Variants in HTR3A observed in about 807,000 individuals in gnomAD.
HTR3A encodes 5-hydroxytryptamine (serotonin) receptor 3A, ionotropic.
HTR3A carries 45 observed loss-of-function variants against 54.8 expected under a neutral mutation model. The observed-to-expected ratio is 0.82, with a 90% CI of 0.65 to 1.05. The LOEUF is 1.05. HTR3A is among the 50% of genes least tolerant of loss of function. The probability of loss-of-function intolerance (pLI) is 0.00; values close to 1 mark genes in which losing one functional copy is unlikely to be tolerated. For missense variants in HTR3A, 657 were observed against 614.0 expected, an observed-to-expected ratio of 1.07 and a Z score of -0.74; for synonymous variants, 297 against 256.0, an observed-to-expected ratio of 1.16 and a Z score of -1.53.
chr11:113,985,499 G>A (rs1200456085), intron 5 of HTR3A, among the ~76,000 whole-genome samples: 1 of 152,172 alleles, frequency 6.6e-6, no homozygotes, highest in African/African-American at 2.4e-5. Flanking sequence ...AGATACTTCT[G>A]TCGTTCCTGG....
intron 1 of HTR3A, 38 bp from the exon 2 acceptor site, chr11:113,977,733 G>A (rs762862210): frequency 2.5e-6 from 4 of 1,608,770 alleles, no homozygotes; most frequent in Admixed American, 1.7e-5. Flanking sequence ...GGAAGTCTTG[G>A]GGGGCTGGTG....
At chr11:113,979,198 A>G (rs1446325508) in intron 2 of HTR3A, 35 bp from the exon 3 acceptor site, 1 of 1,585,532 alleles carries the variant, frequency 6.3e-7, no homozygotes, top group Admixed American at 1.7e-5. Flanking sequence ...TCCAGTCCAC[A>G]GGGTTACTTG....
chr11:113,983,040 C>G lies in HTR3A; in HGVS notation c.375-80C>G. ...ACCCTCCCCGAACTTCACTCCCTACCCAGTTGTTCCAAGATCTTCAGGCAC... is the reference window on the plus strand; with the variant it reads ...ACCCTCCCCGAACTTCACTCCCTACGCAGTTGTTCCAAGATCTTCAGGCAC... On this transcript the variant is annotated intron_variant, in intron 4 of 8. Coordinates refer to ENST00000504030, the MANE Select transcript of HTR3A (RefSeq NM_000869.6). 2.0e-6 allele frequency: 3 copies of G among 1,534,606 alleles called. No homozygotes were observed. The South Asian group carries it at 3.4e-5, about 17-fold the overall frequency.
intron 5 of HTR3A, among the ~76,000 whole-genome samples, chr11:113,983,773 G>A (rs1027308467): frequency 6.6e-6 from 1 of 151,938 alleles, no homozygotes; most frequent in Non-Finnish European, 1.5e-5. Flanking sequence ...AACCACCCTC[G>A]TCTCCTGCCT....
At chr11:113,987,495 G>A (rs936521756) in intron 8 of HTR3A, among the ~76,000 whole-genome samples, 1 of 152,188 alleles carries the variant, frequency 6.6e-6, no homozygotes, top group Admixed American at 6.5e-5. Flanking sequence ...CACTTTGGGA[G>A]GCCGAGGTGG....
At chr11:113,983,371 G>A (rs1192516690) in intron 5 of HTR3A, 82 bp downstream of exon 5, 17 of 1,448,206 alleles carry the variant, frequency 1.2e-5, no homozygotes, top group Non-Finnish European at 1.5e-5. Flanking sequence ...TCCCCAGGGC[G>A]CCTTCTCACG....
chr11:113,977,952 C>A, intron 2 of HTR3A, 30 bp downstream of exon 2: 3 of 1,613,998 alleles, frequency 1.9e-6, no homozygotes, highest in Non-Finnish European at 2.5e-6. Flanking sequence ...TGCACACAGG[C>A]AGACCTTTTG....
chr11:113,980,903 G>A (rs1950414370), intron 3 of HTR3A: 1 of 423,982 alleles, frequency 2.4e-6, no homozygotes, highest in Non-Finnish European at 4.4e-6. Flanking sequence ...GATCCAAGAA[G>A]TTATTTGTCT....
chr11:113,975,906 C>T lies in HTR3A; in HGVS notation c.67+514C>T, dbSNP rs138263170. Among the ~76,000 whole-genome samples the T allele has an allele frequency of 2.0e-5, 3 of 152,238 alleles. No homozygotes were observed. The South Asian group carries it at 6.2e-4, about 32-fold the overall frequency. ...CTTCACTGGTTTTGTTGCATGAGTT[C>T]GTTCTCTGGGCCTGCGGTTCCCCAA... On this transcript the variant is annotated intron_variant, in intron 1 of 8. Transcript: ENST00000504030.
intron 1 of HTR3A, chr11:113,977,490 T>G (rs1950364799): frequency 6.5e-7 from 1 of 1,548,372 alleles, no homozygotes; most frequent in South Asian, 1.2e-5. Flanking sequence ...CTCAACCTGA[T>G]TTGAATCTCA....
chr11:113,982,575 G>A (rs899125275), intron 4 of HTR3A, among the ~76,000 whole-genome samples: 3 of 152,238 alleles, frequency 2.0e-5, no homozygotes, highest in African/African-American at 7.2e-5. Flanking sequence ...AGAGTGGAAT[G>A]AGGTCTTGTG....
At chr11:113,986,493 C>T (rs769913334) in intron 6 of HTR3A, 25 bp from the exon 7 acceptor site, 2 of 1,610,492 alleles carry the variant, frequency 1.2e-6, no homozygotes, top group Non-Finnish European at 1.7e-6. Flanking sequence ...CCCCAGGCTT[C>T]CCACAAGCTC....
rs552240146 is a variant in HTR3A at position 113,986,555 on chromosome 11, G to A, written c.743G>A (p.Ser248Asn). Reference protein sequence around the residue: ...IRRRPLFYVVSLLLPSIFLMV... With the variant: ...IRRRPLFYVVNLLLPSIFLMV... ...CGGCGGCCCCTCTTCTATGTGGTCA[G>A]CCTGCTACTGCCCAGCATCTTCCTC... The change falls in exon 7 of 9, where the codon AGC becomes AAC. Residue 248 changes from serine to asparagine, a missense_variant. Ser to Asn is a conservative substitution (Grantham distance 46, BLOSUM62 1). Transcript: ENST00000504030. 9 of 1,612,984 alleles carry A rather than the reference G, an allele frequency of 5.6e-6. No individual in the cohort carries two copies. In the South Asian group the frequency reaches 9.9e-5, roughly 18 times the overall value.
chr11:113,978,003 C>T (rs1008611566), intron 2 of HTR3A, 81 bp downstream of exon 2: 2 of 1,525,058 alleles, frequency 1.3e-6, no homozygotes, highest in East Asian at 4.5e-5. Context: ...ACCCCCTATG[C>T]AGCTTGTTAG....
At chr11:113,977,000 G>T (rs1326146853) in intron 1 of HTR3A, among the ~76,000 whole-genome samples, 1 of 152,030 alleles carries the variant, frequency 6.6e-6, no homozygotes, top group Non-Finnish European at 1.5e-5. Flanking sequence ...TCTCATTACT[G>T]GTTTGTCCCC....
Position 113,989,478 on chromosome 11 carries a change from C to T in HTR3A, c.1152C>T (p.His384=). 1 of 1,614,140 alleles carries T rather than the reference C, an allele frequency of 6.2e-7. No individual in the cohort carries two copies. Among genetic ancestry groups the T allele is most frequent in the Non-Finnish European group, 8.5e-7 (1 of 1,180,036 alleles). Residue 384 remains histidine, a synonymous_variant, in exon 9 of 9, where the codon CAC becomes CAT. Coordinates refer to ENST00000504030, the MANE Select transcript of HTR3A (RefSeq NM_000869.6). The surrounding 1 kb of genome is among the most constrained non-coding windows in gnomAD (Gnocchi z 4.4). ...KTDDCSAMGN[H]CSHMGGPQDF... ...CCCTTCTTCCAGCCATGGGAAACCA[C>T]TGCAGCCACATGGGAGGACCCCAGG...
chr11:113,986,484 C>T (rs907399760), intron 6 of HTR3A, 34 bp from the exon 7 acceptor site: 4 of 1,608,494 alleles, frequency 2.5e-6, no homozygotes, highest in Non-Finnish European at 3.4e-6. Flanking sequence ...GCCTGTTTGC[C>T]CCAGGCTTCC....
At position 113,981,306 on chromosome 11, in the gene HTR3A, A is replaced by G. The variant is rs769287523; in HGVS notation, c.368A>G (p.Asn123Ser). The part of the protein sequence containing the change: ...DSIWVPDILI[N>S]EFVDVGKSPN... Reference sequence around the variant, plus strand: ...ATCTGGGTCCCGGACATTCTCATCAATGAGTTGTGAGTACCGTTATCCATT... The same window carrying G: ...ATCTGGGTCCCGGACATTCTCATCAGTGAGTTGTGAGTACCGTTATCCATT... Residue 123 changes from asparagine (N) to serine (S), a missense_variant, in exon 4 of 9, where the codon AAT becomes AGT. Transcript: ENST00000504030. 2 of 1,601,642 alleles carry G rather than the reference A, an allele frequency of 1.2e-6. No individual in the cohort carries two copies. Among genetic ancestry groups the G allele is most frequent in the Non-Finnish European group, 1.7e-6 (2 of 1,168,580 alleles).
Position 113,986,824 on chromosome 11 carries a change from G to A in HTR3A, c.917-1G>A. 1 of 1,614,002 alleles carries A rather than the reference G, an allele frequency of 6.2e-7. No homozygotes were observed. Among genetic ancestry groups the A allele is most frequent in the Non-Finnish European group, 8.5e-7 (1 of 1,179,918 alleles). On this transcript the variant is annotated splice_acceptor_variant, in intron 7 of 8. Coordinates refer to ENST00000504030, the MANE Select transcript of HTR3A (RefSeq NM_000869.6). LOFTEE classifies it high-confidence loss of function. ...TCTTGCCTCTGCCCTGGGCTGCACA[G>A]GTGTCTACTTTGTGGTGTGCATGGC...
Sources: gnomAD v4.1 joint callset for allele counts (sites outside exome capture counted in the v4.1 genomes callset) on GRCh38, gnomAD v4.1.1 for gene constraint, Gnocchi (gnomAD v3.1) non-coding constraint, MANE v1.5 for transcripts, NCBI Gene and HGNC (gene_info 2026-07-23, HGNC 2026-07-21) for gene names.